Variants in METTL4 observed in about 807,000 individuals in gnomAD.
METTL4 encodes the protein N(6)-adenine-specific methyltransferase METTL4.
METTL4 carries 40 observed loss-of-function variants against 54.0 expected under a neutral mutation model. The ratio of observed to expected loss-of-function variants is 0.74; its 90% CI spans 0.58 to 0.96. The LOEUF is 0.96. Among genes scored for constraint, METTL4 ranks in the 50% least tolerant of loss-of-function variants. The probability of loss-of-function intolerance (pLI) is 0.00; values close to 1 mark genes in which losing one functional copy is unlikely to be tolerated. For missense variants in METTL4, 525 were observed against 549.0 expected (o/e 0.96, Z 0.44); for synonymous variants, 169 against 183.8 (o/e 0.92, Z 0.65).
chr18:2,538,801 T>C lies in METTL4; in HGVS notation c.*199A>G. On this transcript the variant is annotated 3_prime_UTR_variant, in exon 9 of 9. Coordinates refer to ENST00000574538, the MANE Select transcript of METTL4 (RefSeq NM_022840.5). The stretch of plus-strand genomic sequence containing the variant: ...TTAATTTGTATAGTCTAGAATAACA[T>C]AGAATGTTAGTGCAACTCAAGTAAA... The C allele has an allele frequency of 3.5e-6, 2 of 576,674 alleles. No homozygotes were observed. Among genetic ancestry groups the C allele is most frequent in the Non-Finnish European group, 6.1e-6 (2 of 328,858 alleles). 35.7% of individuals were successfully genotyped at this position (576,674 alleles called of 1,614,324 possible).
At chr18:2,548,806 C>T (rs148835022) in intron 5 of METTL4, among the ~76,000 whole-genome samples, 1 of 152,316 alleles carries the variant, frequency 6.6e-6, no homozygotes, top group Non-Finnish European at 1.5e-5. Context: ...TTCTCACTAG[C>T]ACTCTCAGTT....
At chr18:2,560,648 C>A (rs766968647) in intron 3 of METTL4, among the ~76,000 whole-genome samples, 4 of 152,066 alleles carry the variant, frequency 2.6e-5, no homozygotes, top group Non-Finnish European at 5.9e-5. Context: ...GAGGCCGAGG[C>A]GGGCAGATCA....
At chr18:2,562,775 G>A (rs924807312) in intron 3 of METTL4, among the ~76,000 whole-genome samples, 11 of 152,078 alleles carry the variant, frequency 7.2e-5, no homozygotes, top group African/African-American at 2.7e-4. Context: ...GGGGACGGGG[G>A]GATGGGGAGT....
intron 8 of METTL4, among the ~76,000 whole-genome samples, chr18:2,543,705 G>A (rs574885015): frequency 2.0e-5 from 3 of 152,266 alleles, no homozygotes; most frequent in Admixed American, 2.0e-4. Context: ...AGACTAGTGA[G>A]AATTTGCAGG....
chr18:2,540,046 C>A, intron 8 of METTL4: 1 of 976,962 alleles, frequency 1.0e-6, no homozygotes, highest in Non-Finnish European at 1.2e-6. Context: ...CCTAAAATTT[C>A]ATCATGGTAC....
chr18:2,554,634 A>G, intron 4 of METTL4, 35 bp downstream of exon 4: 3 of 1,569,594 alleles, frequency 1.9e-6, no homozygotes, highest in Non-Finnish European at 2.6e-6. Flanking sequence ...CGGAAAAATT[A>G]TCTTTTTCTA....
Position 2,547,385 on chromosome 18 carries a change from C to G in METTL4, c.1044G>C (p.Val348=). Reference sequence around the variant, plus strand: ...CCCAGTGCCACTCAGCAACTACCTCCACAGACCAAGAGGGATAAAGTTCTT... The same window carrying G: ...CCCAGTGCCACTCAGCAACTACCTCGACAGACCAAGAGGGATAAAGTTCTT... ...IKEELYPSWS[V]EVVAEWHWVK... The change falls in exon 6 of 9, where the codon GTG becomes GTC. Residue 348 remains valine (V), a synonymous_variant. Transcript: ENST00000574538. 1 of 1,598,244 alleles carries G rather than the reference C, an allele frequency of 6.3e-7. No homozygotes were observed. Among genetic ancestry groups the G allele is most frequent in the Middle Eastern group, 1.7e-4 (1 of 5,968 alleles).
At position 2,571,476 on chromosome 18, in the gene METTL4, C is replaced by T. The variant is rs1286995120; in HGVS notation, c.-766G>A. 2.0e-5 allele frequency: 3 copies of T among 152,276 alleles called. No individual in the cohort carries two copies. The highest frequency in any genetic ancestry group is 4.4e-5 in the Non-Finnish European group (3 of 68,052). 9.4% of individuals were successfully genotyped at this position (152,276 alleles called of 1,614,324 possible). On this transcript the variant is annotated 5_prime_UTR_variant, in exon 1 of 9. Coordinates refer to ENST00000574538, the MANE Select transcript of METTL4 (RefSeq NM_022840.5). ...GACGCAGCTGGGCGCGACCAGCACG[C>T]AGCCTTCCAGCGACGAGGCGGTCGC...
At position 2,567,138 on chromosome 18, in the gene METTL4, G is replaced by A; in HGVS notation, c.79C>T (p.His27Tyr). Residue 27 changes from histidine to tyrosine, a missense_variant, in exon 2 of 9, where the codon CAC becomes TAC. By Grantham distance (83) the His-to-Tyr change is moderately conservative. Transcript: ENST00000574538. ...SFINKINYQL[H>Y]QHHEPCCRKK... ...CGGCAACAAGGTTCATGATGCTGGT[G>A]AAGTTGATAGTTTATCTTGTTGATA... 6.2e-7 allele frequency: 1 copy of A among 1,614,078 alleles called. No homozygotes were observed. The highest frequency in any genetic ancestry group is 1.1e-5 in the South Asian group (1 of 91,058).
intron 3 of METTL4, among the ~76,000 whole-genome samples, chr18:2,556,359 A>G (rs1457511539): frequency 6.6e-6 from 1 of 152,216 alleles, no homozygotes; most frequent in Admixed American, 6.5e-5. Flanking sequence ...AAATGAGCTT[A>G]AAGAGAGTCT....
chr18:2,544,673 T>G lies in METTL4; in HGVS notation c.1161A>C (p.Glu387Asp). 6.2e-7 allele frequency: 1 copy of G among 1,611,344 alleles called. No individual in the cohort carries two copies. Among genetic ancestry groups the G allele is most frequent in the Admixed American group, 1.7e-5 (1 of 59,426 alleles). Residue 387 changes from glutamate to aspartate, a missense_variant, in exon 7 of 9, where the codon GAA becomes GAC. Transcript: ENST00000574538. ...YEGLILGRVQ[E>D]KTALPLRNAD... ...CCTACCTCAATGGTAGAGCAGTTTT[T>G]TCTTGAACCCTCCCCAGTATAAGAC...
chr18:2,558,126 A>C (rs1197906548), intron 3 of METTL4, among the ~76,000 whole-genome samples: 2 of 152,212 alleles, frequency 1.3e-5, no homozygotes, highest in African/African-American at 2.4e-5. Flanking sequence ...AGAACACTGC[A>C]TCTAACAATT....
chr18:2,553,839 T>C (rs781467825), intron 4 of METTL4: 5 of 152,306 alleles, frequency 3.3e-5, no homozygotes, highest in Non-Finnish European at 7.4e-5. Flanking sequence ...AAAATGTGCA[T>C]GCATAGAATG....
chr18:2,566,386 G>C lies in METTL4; in HGVS notation c.396+435C>G, dbSNP rs377716453. On this transcript the variant is annotated intron_variant, in intron 2 of 8. Transcript: ENST00000574538. ...AAACTTTTATTACGTATCTCCAAGGGATAGCTCTCTAAAAACCTCCGAAAT... is the reference window on the plus strand; with the variant it reads ...AAACTTTTATTACGTATCTCCAAGGCATAGCTCTCTAAAAACCTCCGAAAT... Among the ~76,000 whole-genome samples the C allele has an allele frequency of 1.6e-3, 242 of 152,154 alleles. 2 individuals carry two copies. The highest frequency in any genetic ancestry group is 5.6e-3 in the African/African-American group (234 of 41,532).
rs187982174 is a variant in METTL4 at position 2,554,494 on chromosome 18, A to T, written c.829+175T>A. The T allele has an allele frequency of 2.9e-3, 1,627 of 570,490 alleles. 15 individuals are homozygous for T. Among genetic ancestry groups the T allele is most frequent in the African/African-American group, 0.028 (1,434 of 51,610 alleles). The allele number at this position is 570,490 out of a possible 1,614,324, so 35.3% of individuals were successfully genotyped here. Reference sequence around the variant, plus strand: ...CTTTATTCACAATATTTATTTTTTTAAAAAAAGCAAAAGTCAGCACCTTAA... The same window carrying T: ...CTTTATTCACAATATTTATTTTTTTTAAAAAAGCAAAAGTCAGCACCTTAA... On this transcript the variant is annotated intron_variant, in intron 4 of 8. Coordinates refer to ENST00000574538, the MANE Select transcript of METTL4 (RefSeq NM_022840.5).
chr18:2,550,446 C>A (rs1393771326), intron 5 of METTL4, among the ~76,000 whole-genome samples: 1 of 152,182 alleles, frequency 6.6e-6, no homozygotes, highest in Non-Finnish European at 1.5e-5. Flanking sequence ...AGTTTGATAG[C>A]TCTTCAAAAA....
intron 3 of METTL4, among the ~76,000 whole-genome samples, chr18:2,560,742 A>C (rs1335488609): frequency 6.6e-6 from 1 of 151,848 alleles, no homozygotes; most frequent in Admixed American, 6.6e-5. Context: ...AGCTGGGCGT[A>C]GTGGCGGGCG....
In METTL4 at chr18:2,539,149, T is replaced by C. The variant is rs780037476; in HGVS notation, c.1274-4A>G. ...TTGATGTAGTCTTTTAAAACCTCTG[T>C]TTAAAAAAGAGAAAAAACACAAAAA... On this transcript the variant is annotated splice_polypyrimidine_tract_variant and splice_region_variant and intron_variant, in intron 8 of 8. Transcript: ENST00000574538. 3 of 1,608,162 alleles carry C rather than the reference T, an allele frequency of 1.9e-6. No individual in the cohort carries two copies. Among genetic ancestry groups the C allele is most frequent in the Admixed American group, 3.4e-5 (2 of 58,582 alleles).
Position 2,552,685 on chromosome 18 carries a change from T to C in METTL4, c.899+10A>G. On this transcript the variant is annotated intron_variant, in intron 5 of 8. Coordinates refer to ENST00000574538, the MANE Select transcript of METTL4 (RefSeq NM_022840.5). Reference sequence around the variant, plus strand: ...TTTTTTAGAAAGCAAATGCTTTCATTTCCACTTACCTATTACTTCTTTTAA... The same window carrying C: ...TTTTTTAGAAAGCAAATGCTTTCATCTCCACTTACCTATTACTTCTTTTAA... 1.3e-6 allele frequency: 2 copies of C among 1,596,768 alleles called. No homozygotes were observed. Among genetic ancestry groups the C allele is most frequent in the Non-Finnish European group, 1.7e-6 (2 of 1,167,246 alleles).
Sources: gnomAD v4.1 joint callset for allele counts (sites outside exome capture counted in the v4.1 genomes callset) on GRCh38, gnomAD v4.1.1 for gene constraint, MANE v1.5 for transcripts, NCBI Gene and HGNC (gene_info 2026-07-23, HGNC 2026-07-21) for gene names.